The following TSC2 variants were observed in gnomAD, a reference collection of about 807,000 sequenced individuals.
The protein encoded by TSC2 is tuberin.
Under a neutral mutation model 202.2 loss-of-function variants are expected in TSC2, and 29 were observed. The ratio of observed to expected loss-of-function variants is 0.14; its 90% CI spans 0.11 to 0.20. TSC2 has a LOEUF of 0.20. Ranked by LOEUF, TSC2 falls within the 10% of genes least tolerant of loss-of-function variation. The pLI, the probability that TSC2 is intolerant of heterozygous loss-of-function variation, is 1.00. For missense variants in TSC2, 2,429 were observed against 2,420.0 expected (o/e 1.00, Z -0.08); for synonymous variants, 1,349 against 1,044.0 (o/e 1.29, Z -5.63).
intron 5 of TSC2, 106 bp from the exon 6 acceptor site, chr16:2,055,296 T>A (rs1418258441): frequency 2.3e-6 from 2 of 882,456 alleles, no homozygotes; most frequent in African/African-American, 3.3e-5. Flanking sequence ...GATGATGGGG[T>A]TTCTGGCAGT....
intron 33 of TSC2, 55 bp from the exon 34 acceptor site, chr16:2,084,173 G>C: frequency 6.4e-7 from 1 of 1,550,870 alleles, no homozygotes. Flanking sequence ...GTCAACCCCA[G>C]GTGGGCTCGA....
At chr16:2,073,711 G>A (rs1022855550) in intron 21 of TSC2, among the ~76,000 whole-genome samples, 8 of 152,258 alleles carry the variant, frequency 5.3e-5, no homozygotes, top group African/African-American at 1.9e-4. Context: ...TGGGCTGCAG[G>A]TTCTGAGGCC....
At position 2,084,280 on chromosome 16, in the gene TSC2, T is replaced by G; in HGVS notation, c.4058T>G (p.Val1353Gly). The change falls in exon 34 of 42, where the codon GTT (valine) becomes GGT (glycine). Residue 1353 changes from valine (V) to glycine (G), a missense_variant. Physicochemically the swap from Val to Gly is moderately radical, Grantham distance 109 (BLOSUM62 -3). Coordinates refer to ENST00000219476, the MANE Select transcript of TSC2 (RefSeq NM_000548.5). ...AAGTCGCTCCACGCGGAGGAGCTGG[T>G]TGGCAGGGGCATCCCCATCGAGCGA... The part of the protein sequence containing the change: ...EEKSLHAEEL[V>G]GRGIPIERVV... 6.2e-7 allele frequency: 1 copy of G among 1,611,760 alleles called. No individual in the cohort carries two copies. The highest frequency in any genetic ancestry group is 1.3e-5 in the African/African-American group (1 of 75,028).
chr16:2,071,346 C>T lies in TSC2; in HGVS notation c.1840-164C>T, dbSNP rs546126574. The T allele has an allele frequency of 2.1e-4, 154 of 728,250 alleles. No homozygotes were observed. In the African/African-American group the frequency reaches 2.4e-3, roughly 11 times the overall value. The allele number at this position is 728,250 out of a possible 1,614,324, so 45.1% of individuals were successfully genotyped here. A position where few individuals can be genotyped will look rare whatever the true frequency, so the allele number is the denominator to read the frequency against. On this transcript the variant is annotated intron_variant, in intron 17 of 41. Coordinates refer to ENST00000219476, the MANE Select transcript of TSC2 (RefSeq NM_000548.5). Reference sequence around the variant, plus strand: ...GTGGGTGCTGGGCCTCCGGTGTCACCAGGACAGAGCCTGTGTCTGTGTTGG... The same window carrying T: ...GTGGGTGCTGGGCCTCCGGTGTCACTAGGACAGAGCCTGTGTCTGTGTTGG...
chr16:2,068,550 T>G (rs2087731423), intron 16 of TSC2: 1 of 152,154 alleles, frequency 6.6e-6, no homozygotes, highest in Non-Finnish European at 1.5e-5. Context: ...TATTCTGTGT[T>G]TTTACAGTGA....
At chr16:2,080,013 A>G in intron 29 of TSC2, 152 bp from the exon 30 acceptor site, 1 of 1,066,864 alleles carries the variant, frequency 9.4e-7, no homozygotes, top group South Asian at 1.4e-5. Flanking sequence ...TGAGGCCAGC[A>G]CTGTGGTGGG....
chr16:2,070,478 C>G lies in TSC2; in HGVS notation c.1739C>G (p.Ala580Gly), dbSNP rs765043471. 6.2e-7 allele frequency: 1 copy of G among 1,613,264 alleles called. No individual in the cohort carries two copies. The highest frequency in any genetic ancestry group is 8.5e-7 in the Non-Finnish European group (1 of 1,180,042). Residue 580 changes from alanine to glycine, a missense_variant, in exon 17 of 42, where the codon GCA becomes GGA. Coordinates refer to ENST00000219476, the MANE Select transcript of TSC2 (RefSeq NM_000548.5). Reference sequence around the variant, plus strand: ...CAGACCAAGCTGTACACCCTGCCTGCAAGCCACGCCACGCGTGTGTATGAG... The same window carrying G: ...CAGACCAAGCTGTACACCCTGCCTGGAAGCCACGCCACGCGTGTGTATGAG... ...ILQTKLYTLP[A>G]SHATRVYEML...
intron 16 of TSC2, among the ~76,000 whole-genome samples, chr16:2,069,243 C>T (rs1276800509): frequency 2.0e-5 from 3 of 152,152 alleles, no homozygotes; most frequent in Non-Finnish European, 2.9e-5. Context: ...CCCACCTCCA[C>T]CTCTTTTTTG....
intron 25 of TSC2, among the ~76,000 whole-genome samples, chr16:2,077,192 C>T (rs570208448): frequency 6.6e-6 from 1 of 152,194 alleles, no homozygotes; most frequent in South Asian, 2.1e-4. Flanking sequence ...TCCTAGTGAC[C>T]TTCAGGGCCT....
intron 5 of TSC2, 85 bp downstream of exon 5, chr16:2,054,525 G>C (rs2085529221): frequency 5.9e-5 from 94 of 1,593,002 alleles, no homozygotes; most frequent in Middle Eastern, 2.0e-4. Flanking sequence ...CTGGGGAGGG[G>C]CTGCCGTTCT....
Position 2,062,525 on chromosome 16 carries a change from A to G in TSC2, c.1286A>G (p.Tyr429Cys), listed in dbSNP as rs774727624. The change falls in exon 13 of 42, where the codon TAT (tyrosine) becomes TGT (cysteine). Residue 429 changes from tyrosine to cysteine, a missense_variant. Tyr to Cys is a radical substitution (Grantham distance 194). Coordinates refer to ENST00000219476, the MANE Select transcript of TSC2 (RefSeq NM_000548.5). The part of the protein sequence containing the change: ...PESSLLNLIS[Y>C]RAQSIHPAKD... The stretch of plus-strand genomic sequence containing the variant: ...TCCTCCCTCCTGAACCTGATCTCCT[A>G]TAGAGCGCAGTCCATCCACCCGGCC... The G allele has an allele frequency of 1.2e-6, 2 of 1,612,248 alleles. No homozygotes were observed. Among genetic ancestry groups the G allele is most frequent in the African/African-American group, 1.3e-5 (1 of 75,052 alleles).
At chr16:2,081,309 G>A (rs1342800968) in intron 30 of TSC2, 5 of 495,388 alleles carry the variant, frequency 1.0e-5, no homozygotes, top group African/African-American at 1.9e-5. Context: ...GGTGCAAAGA[G>A]TAGGGGTTCC....
intron 31 of TSC2, chr16:2,082,051 G>A (rs62038808): frequency 1.2e-4 from 77 of 623,048 alleles, no homozygotes; most frequent in Admixed American, 2.6e-4. Flanking sequence ...AGCATCCTCC[G>A]TGGGGAGTCC....
At position 2,088,881 on chromosome 16, in the gene TSC2, GCACA is replaced by G. The variant is rs56279647; in HGVS notation, c.*286_*289del. On this transcript the variant is annotated 3_prime_UTR_variant, in exon 42 of 42. Transcript: ENST00000219476. The stretch of plus-strand genomic sequence containing the variant: ...ACAGCACACTCGCGCGTGCGCGCGC[GCACA>G]CACACACACACACAGTCACCTTCCT... 25,795 of 420,996 alleles carry G rather than the reference GCACA, an allele frequency of 0.061. 950 individuals are homozygous for G. The highest frequency in any genetic ancestry group is 0.073 in the Non-Finnish European group (16,923 of 230,542). The allele number at this position is 420,996 out of a possible 1,614,324, so 26.1% of individuals were successfully genotyped here.
rs1596303442 is a variant in TSC2 at position 2,061,920 on chromosome 16, C to T, written c.1169C>T (p.Thr390Met). The change falls in exon 12 of 42, where the codon ACG (threonine) becomes ATG (methionine). Residue 390 changes from threonine (T) to methionine (M), a missense_variant. Coordinates refer to ENST00000219476, the MANE Select transcript of TSC2 (RefSeq NM_000548.5). ...ACCATCGTCCATGACCTGTTGACCACGGTGGAGGAGCTGTGTGACCAGAAC... is the reference window on the plus strand; with the variant it reads ...ACCATCGTCCATGACCTGTTGACCATGGTGGAGGAGCTGTGTGACCAGAAC... ...LRTIVHDLLTTVEELCDQNEF... is the reference protein window; with the variant it reads ...LRTIVHDLLTMVEELCDQNEF... 3.7e-6 allele frequency: 6 copies of T among 1,614,086 alleles called. No homozygotes were observed. The highest frequency in any genetic ancestry group is 2.2e-5 in the East Asian group (1 of 44,896).
rs759756949 is a variant in TSC2 at position 2,071,664 on chromosome 16, C to T, written c.1946+48C>T. On this transcript the variant is annotated intron_variant, in intron 18 of 41. Coordinates refer to ENST00000219476, the MANE Select transcript of TSC2 (RefSeq NM_000548.5). Reference sequence around the variant, plus strand: ...CCCATGAGGCTCAGGGCGTCAGAGGCGCTGGGGCTGTGGTGGCGCTGTTTG... The same window carrying T: ...CCCATGAGGCTCAGGGCGTCAGAGGTGCTGGGGCTGTGGTGGCGCTGTTTG... 13 of 1,609,630 alleles carry T rather than the reference C, an allele frequency of 8.1e-6. No homozygotes were observed. The highest frequency in any genetic ancestry group is 9.3e-6 in the Non-Finnish European group (11 of 1,178,320).
intron 31 of TSC2, chr16:2,082,199 C>T (rs1567512878): frequency 3.3e-6 from 2 of 606,978 alleles, no homozygotes; most frequent in African/African-American, 1.8e-5. Context: ...TCTGGCTCTT[C>T]CCTGTGGCTG....
rs773900333 is a variant in TSC2 at position 2,080,272 on chromosome 16, G to T, written c.3505G>T (p.Ala1169Ser). ...RTAPAAKPEK[A>S]SAGTRVPVQE... ...TGCACCAGCCGCGAAACCTGAGAAG[G>T]CCTCAGCTGGCACCCGGGTTCCTGT... The change falls in exon 30 of 42, where the codon GCC (alanine) becomes TCC (serine). Residue 1169 changes from alanine (A) to serine (S), a missense_variant. Coordinates refer to ENST00000219476, the MANE Select transcript of TSC2 (RefSeq NM_000548.5). 6.2e-7 allele frequency: 1 copy of T among 1,612,994 alleles called. No homozygotes were observed. The highest frequency in any genetic ancestry group is 8.5e-7 in the Non-Finnish European group (1 of 1,180,028).
chr16:2,088,324 G>T lies in TSC2; in HGVS notation c.5258G>T (p.Arg1753Leu), dbSNP rs749487441. ...CGCCACATCAAGCGGCTCCGCCAGC[G>T]GGTAGGGAATATGGGGCTCCCTCAG... ...RLRHIKRLRQRICEEAAYSNP... is the reference protein window; with the variant it reads ...RLRHIKRLRQLICEEAAYSNP... The change falls in exon 41 of 42, where the codon CGG (arginine) becomes CTG (leucine). Residue 1753 changes from arginine (R) to leucine (L), a missense_variant and splice_region_variant. Physicochemically the swap from Arg to Leu is moderately radical, Grantham distance 102 (BLOSUM62 -2). Coordinates refer to ENST00000219476, the MANE Select transcript of TSC2 (RefSeq NM_000548.5). The T allele has an allele frequency of 6.2e-7, 1 of 1,612,680 alleles. No homozygotes were observed. Among genetic ancestry groups the T allele is most frequent in the Non-Finnish European group, 8.5e-7 (1 of 1,179,996 alleles).
Sources: allele counts gnomAD v4.1 joint callset (sites outside exome capture counted in the v4.1 genomes callset), GRCh38; gene constraint gnomAD v4.1.1; transcripts MANE v1.5; gene names NCBI Gene and HGNC (gene_info 2026-07-23, HGNC 2026-07-21).